The following FRS2 variants were observed in gnomAD, a reference collection of about 807,000 sequenced individuals.
The protein encoded by FRS2 is FGFR signalling adaptor.
Under a neutral mutation model 43.9 loss-of-function variants are expected in FRS2, and 8 were observed. That is an observed-to-expected ratio of 0.18 (90% confidence interval 0.11 to 0.33). FRS2 has a LOEUF of 0.33. FRS2 is among the 10% of genes least tolerant of loss of function. The probability of loss-of-function intolerance (pLI) is 1.00; values close to 1 mark genes in which losing one functional copy is unlikely to be tolerated. For missense variants in FRS2, 534 were observed against 627.6 expected (o/e 0.85, Z 1.59); for synonymous variants, 219 against 220.3 (o/e 0.99, Z 0.05).
At chr12:69,536,902 T>C (rs950251200) in intron 3 of FRS2, among the ~76,000 whole-genome samples, 3 of 152,092 alleles carry the variant, frequency 2.0e-5, no homozygotes, top group Non-Finnish European at 4.4e-5. Flanking sequence ...CCTTCTGTGG[T>C]TTTTCTATTT....
intron 3 of FRS2, among the ~76,000 whole-genome samples, chr12:69,541,354 A>AT (rs1335866413): frequency 6.6e-6 from 1 of 152,210 alleles, no homozygotes; most frequent in Non-Finnish European, 1.5e-5. Flanking sequence ...AATATTTCAA[A>AT]TTTTTAAACT....
At chr12:69,571,864 A>AAAAAC (rs777423506) in intron 7 of FRS2, among the ~76,000 whole-genome samples, 9 of 152,120 alleles carry the variant, frequency 5.9e-5, no homozygotes, top group African/African-American at 1.2e-4. Context: ...ACTCCGTCTC[A>AAAAAC]AAAACAAAAC....
chr12:69,569,381 GTCTTTCA>G (rs1880563472), intron 5 of FRS2, among the ~76,000 whole-genome samples: 2 of 151,980 alleles, frequency 1.3e-5, no homozygotes, highest in Non-Finnish European at 2.9e-5. Flanking sequence ...ATCACTATCT[GTCTTTCA>G]GTTATTATTT....
chr12:69,538,820 T>G (rs986700649), intron 3 of FRS2, among the ~76,000 whole-genome samples: 18 of 152,218 alleles, frequency 1.2e-4, no homozygotes, highest in African/African-American at 4.3e-4. Flanking sequence ...TAATACCCTA[T>G]CTATAATTAT....
chr12:69,514,239 A>G (rs546568665), intron 1 of FRS2, among the ~76,000 whole-genome samples: 20 of 152,314 alleles, frequency 1.3e-4, no homozygotes, highest in Admixed American at 7.8e-4. Flanking sequence ...ACCAGAAACA[A>G]TGCTCCAAAT....
At chr12:69,546,395 C>G (rs1878411840) in intron 3 of FRS2, among the ~76,000 whole-genome samples, 1 of 151,892 alleles carries the variant, frequency 6.6e-6, no homozygotes, top group Non-Finnish European at 1.5e-5. Context: ...GTAGCTGGGA[C>G]TATAGGTGTG....
chr12:69,498,401 G>A (rs1789396304), intron 1 of FRS2, among the ~76,000 whole-genome samples: 2 of 152,104 alleles, frequency 1.3e-5, no homozygotes, highest in South Asian at 4.1e-4. Context: ...TAATTCACCT[G>A]CCACAAGAGC....
chr12:69,557,636 G>GCGCA (rs1309984475), intron 3 of FRS2, among the ~76,000 whole-genome samples: 28 of 146,908 alleles, frequency 1.9e-4, no homozygotes, highest in South Asian at 4.3e-4. Flanking sequence ...GCGCGCGCGC[G>GCGCA]CAGGTGCATG....
chr12:69,557,617 T>TGTGTGTGTGCGC (rs1879484835), intron 3 of FRS2, among the ~76,000 whole-genome samples: 1 of 117,040 alleles, frequency 8.5e-6, no homozygotes, highest in African/African-American at 3.9e-5. Flanking sequence ...TGTGTGTGTG[T>TGTGTGTGTGCGC]GTGCGCGCGC....
chr12:69,513,654 AT>A (rs1448286360), intron 1 of FRS2, among the ~76,000 whole-genome samples: 3 of 152,174 alleles, frequency 2.0e-5, no homozygotes, highest in East Asian at 1.9e-4. Flanking sequence ...TTACTGAGTT[AT>A]TTTTTTAAAC....
intron 1 of FRS2, among the ~76,000 whole-genome samples, chr12:69,473,148 G>C (rs1870460755): frequency 6.6e-6 from 1 of 152,194 alleles, no homozygotes; most frequent in Non-Finnish European, 1.5e-5. Context: ...AATGCTAGTT[G>C]CTGTTTACAG....
chr12:69,498,823 C>A (rs1873165372), intron 1 of FRS2, among the ~76,000 whole-genome samples: 1 of 152,052 alleles, frequency 6.6e-6, no homozygotes. Flanking sequence ...TGGTAGTGGG[C>A]AAACCAGCCT....
intron 1 of FRS2, among the ~76,000 whole-genome samples, chr12:69,506,024 C>G (rs994740965): frequency 6.6e-6 from 1 of 152,034 alleles, no homozygotes; most frequent in African/African-American, 2.4e-5. Flanking sequence ...TGTTTTTATA[C>G]TAACCTAAAA....
At chr12:69,502,877 G>T (rs1873584658) in intron 1 of FRS2, among the ~76,000 whole-genome samples, 2 of 152,286 alleles carry the variant, frequency 1.3e-5, no homozygotes, top group East Asian at 1.9e-4. Context: ...AGCAGCAGCA[G>T]CAGCATCAGC....
intron 3 of FRS2, chr12:69,557,791 T>G (rs929443084): frequency 6.6e-6 from 1 of 152,140 alleles, no homozygotes; most frequent in Non-Finnish European, 1.5e-5. Flanking sequence ...CCAGTGTTTC[T>G]TCCTATAGAT....
chr12:69,530,808 A>G (rs1876713450), intron 1 of FRS2, 57 bp from the exon 2 acceptor site: 1 of 152,540 alleles, frequency 6.6e-6, no homozygotes, highest in Non-Finnish European at 1.5e-5. Flanking sequence ...ATTCTTAAAG[A>G]GTTTTGTTAT....
At chr12:69,569,371 A>G (rs1199064850) in intron 5 of FRS2, among the ~76,000 whole-genome samples, 1 of 152,074 alleles carries the variant, frequency 6.6e-6, no homozygotes, top group African/African-American at 2.4e-5. Flanking sequence ...TTTCAATCTC[A>G]TCACTATCTG....
chr12:69,527,752 C>T (rs1293031233), intron 1 of FRS2, among the ~76,000 whole-genome samples: 1 of 152,166 alleles, frequency 6.6e-6, no homozygotes, highest in Non-Finnish European at 1.5e-5. Flanking sequence ...TTTAATATTA[C>T]TAGCTTTCTT....
At chr12:69,473,716 T>G (rs1301628737) in intron 1 of FRS2, among the ~76,000 whole-genome samples, 1 of 152,170 alleles carries the variant, frequency 6.6e-6, no homozygotes, top group Non-Finnish European at 1.5e-5. Flanking sequence ...ACTTTCAATG[T>G]AGTATAAATA....
Sources: allele counts gnomAD v4.1 joint callset (sites outside exome capture counted in the v4.1 genomes callset), GRCh38; gene constraint gnomAD v4.1.1; transcripts MANE v1.5; gene names NCBI Gene and HGNC (gene_info 2026-07-23, HGNC 2026-07-21).